SYT1: variants seen among roughly 807,000 people sequenced by gnomAD.
SYT1 encodes synaptotagmin-1.
A neutral mutation model predicts 44.8 loss-of-function variants in SYT1; 8 were observed. The ratio of observed to expected loss-of-function variants is 0.18; its 90% confidence interval spans 0.10 to 0.32. The LOEUF (loss-of-function observed/expected upper bound fraction) is 0.32, where lower values mean the gene tolerates loss of function less well. Among genes scored for constraint, SYT1 ranks in the 10% least tolerant of loss-of-function variants. The probability of loss-of-function intolerance (pLI) is 1.00; values close to 1 mark genes in which losing one functional copy is unlikely to be tolerated. For missense variants in SYT1, 286 were observed against 509.3 expected (o/e 0.56, Z 4.22); for synonymous variants, 154 against 188.8 (o/e 0.82, Z 1.51).
chr12:78,969,976 A>G (rs763675674), intron 1 of SYT1, among the ~76,000 whole-genome samples: 1 of 152,156 alleles, frequency 6.6e-6, no homozygotes, highest in Non-Finnish European at 1.5e-5. Context: ...ACTCAAGTAT[A>G]TTAGGAAAAT....
At chr12:79,112,825 C>G (rs767329448) in intron 3 of SYT1, among the ~76,000 whole-genome samples, 6 of 152,008 alleles carry the variant, frequency 3.9e-5, no homozygotes, top group Admixed American at 1.3e-4. Flanking sequence ...ACTACATTCC[C>G]TTTGGTACTT....
chr12:78,888,806 TG>T (rs2137069604), intron 1 of SYT1, among the ~76,000 whole-genome samples: 1 of 152,052 alleles, frequency 6.6e-6, no homozygotes, highest in South Asian at 2.1e-4. Context: ...TCCTTCCTCC[TG>T]CTCACTGTCA....
chr12:79,047,696 C>T (rs1422597551), intron 3 of SYT1, among the ~76,000 whole-genome samples: 1 of 151,750 alleles, frequency 6.6e-6, no homozygotes, highest in African/African-American at 2.4e-5. Flanking sequence ...TCATTTTCTC[C>T]ATATGTGATA....
chr12:79,117,963 T>C (rs1001757584), intron 3 of SYT1, among the ~76,000 whole-genome samples: 5 of 151,908 alleles, frequency 3.3e-5, no homozygotes, highest in African/African-American at 1.2e-4. Flanking sequence ...AAAATAGCTA[T>C]GTTTACCAAA....
chr12:79,440,425 G>T (rs1022391353), intron 9 of SYT1, among the ~76,000 whole-genome samples: 3 of 152,026 alleles, frequency 2.0e-5, no homozygotes, highest in African/African-American at 7.2e-5. Context: ...CCTGTTTTGG[G>T]GAACAGAATG....
chr12:79,018,900 G>A (rs1871988607), intron 2 of SYT1, among the ~76,000 whole-genome samples: 1 of 140,344 alleles, frequency 7.1e-6, no homozygotes, highest in Non-Finnish European at 1.5e-5. Flanking sequence ...CTTAAAATGG[G>A]AGAATAATAT....
intron 3 of SYT1, among the ~76,000 whole-genome samples, chr12:79,105,957 T>C (rs1390620829): frequency 1.3e-5 from 2 of 151,412 alleles, no homozygotes; most frequent in Admixed American, 1.3e-4. Context: ...ATTGAAGACA[T>C]TGTAGAGGTT....
intron 9 of SYT1, among the ~76,000 whole-genome samples, chr12:79,403,877 A>G (rs569330884): frequency 6.6e-6 from 1 of 152,168 alleles, no homozygotes; most frequent in Non-Finnish European, 1.5e-5. Flanking sequence ...GTTCCAATGA[A>G]GGCTAAAGTT....
At chr12:79,247,356 C>T (rs970508825) in intron 4 of SYT1, among the ~76,000 whole-genome samples, 2 of 152,094 alleles carry the variant, frequency 1.3e-5, no homozygotes, top group Admixed American at 6.5e-5. Flanking sequence ...ACTCATGAGG[C>T]AGGGAAGGCT....
intron 9 of SYT1, among the ~76,000 whole-genome samples, chr12:79,356,242 A>G (rs543986139): frequency 6.6e-6 from 1 of 151,730 alleles, no homozygotes. Flanking sequence ...CCACCTACTC[A>G]TGAGGTCTTA....
intron 3 of SYT1, among the ~76,000 whole-genome samples, chr12:79,142,356 T>TA (rs1402202428): frequency 1.3e-5 from 2 of 152,240 alleles, no homozygotes; most frequent in African/African-American, 4.8e-5. Flanking sequence ...CTTGAAAACT[T>TA]ACATTTTTCA....
intron 3 of SYT1, among the ~76,000 whole-genome samples, chr12:79,056,213 A>C (rs1874930543): frequency 6.6e-6 from 1 of 152,066 alleles, no homozygotes; most frequent in South Asian, 2.1e-4. Context: ...TGTATATAGA[A>C]GTCTAGATGG....
At chr12:79,255,267 G>A (rs1267349232) in intron 4 of SYT1, among the ~76,000 whole-genome samples, 1 of 152,186 alleles carries the variant, frequency 6.6e-6, no homozygotes, top group Admixed American at 6.5e-5. Context: ...ACAGAAGCAA[G>A]ACCCTGCACC....
chr12:79,244,228 G>T (rs1406727708), intron 4 of SYT1, among the ~76,000 whole-genome samples: 2 of 152,022 alleles, frequency 1.3e-5, no homozygotes, highest in Admixed American at 1.3e-4. Flanking sequence ...ACTATCATTG[G>T]CTTTGCACAT....
At chr12:79,367,562 T>C (rs1488916634) in intron 9 of SYT1, among the ~76,000 whole-genome samples, 1 of 152,150 alleles carries the variant, frequency 6.6e-6, no homozygotes, top group African/African-American at 2.4e-5. Flanking sequence ...AAGTTACCCA[T>C]GTAAATTTCT....
intron 2 of SYT1, among the ~76,000 whole-genome samples, chr12:79,012,759 G>C (rs1024652196): frequency 6.6e-6 from 1 of 152,178 alleles, no homozygotes; most frequent in African/African-American, 2.4e-5. Context: ...AGTGCACCCT[G>C]TCGCTGCTCC....
In SYT1 at chr12:78,884,154, G is replaced by T. The variant is rs576005405; in HGVS notation, c.-217+19045G>T. Among the ~76,000 whole-genome samples, 42 of 151,478 alleles carry T rather than the reference G, an allele frequency of 2.8e-4. No homozygotes were observed. In the South Asian group the frequency reaches 5.4e-3, roughly 19 times the overall value. On this transcript the variant is annotated intron_variant, in intron 1 of 10. Coordinates refer to ENST00000261205, the MANE Select transcript of SYT1 (RefSeq NM_005639.3). ...ATTTAAAGCCCCTAACAGAAATATT[G>T]CATTTGCAAACATCACATTTAAAAT...
At chr12:78,968,718 C>A (rs1029793041) in intron 1 of SYT1, among the ~76,000 whole-genome samples, 1 of 152,066 alleles carries the variant, frequency 6.6e-6, no homozygotes, top group Non-Finnish European at 1.5e-5. Context: ...AGCAGGATAC[C>A]TAATTAACCC....
At chr12:79,402,984 A>G (rs1334980513) in intron 9 of SYT1, among the ~76,000 whole-genome samples, 1 of 152,248 alleles carries the variant, frequency 6.6e-6, no homozygotes, top group East Asian at 1.9e-4. Flanking sequence ...CATGGTTCCC[A>G]TAATGAAGAA....
Sources: allele counts gnomAD v4.1 joint callset (sites outside exome capture counted in the v4.1 genomes callset), GRCh38; gene constraint gnomAD v4.1.1; transcripts MANE v1.5; gene names NCBI Gene and HGNC (gene_info 2026-07-23, HGNC 2026-07-21).